The following FFAR1 variants were observed in gnomAD, a reference collection of about 807,000 sequenced individuals.
The protein encoded by FFAR1 is G-protein coupled receptor 40.
For missense variants in FFAR1, 424 were observed against 396.2 expected (o/e 1.07, Z -0.60); for synonymous variants, 216 against 201.5 (o/e 1.07, Z -0.61).
upstream of FFAR1, among the ~76,000 whole-genome samples, chr19:35,349,072 C>T (rs1317607281): frequency 6.6e-6 from 1 of 152,206 alleles, no homozygotes; most frequent in African/African-American, 2.4e-5. Context: ...GGCCGCCCTC[C>T]ACAACCCCAG....
chr19:35,351,459 G>A (rs2066943868), upstream of FFAR1: 1 of 1,145,300 alleles, frequency 8.7e-7, no homozygotes, highest in South Asian at 1.3e-5. Context: ...ACCCGCGAGT[G>A]ATCCCAGGAG....
At chr19:35,349,042 G>A (rs2066933531), upstream of FFAR1, among the ~76,000 whole-genome samples, 1 of 152,158 alleles carries the variant, frequency 6.6e-6, no homozygotes, top group African/African-American at 2.4e-5. Context: ...GGAAGCTAGG[G>A]GGCCAGGACT....
chr19:35,351,431 T>C (rs112380079), upstream of FFAR1: 3,315 of 839,456 alleles, frequency 3.9e-3, 60 homozygotes, highest in South Asian at 0.028. Flanking sequence ...GAATTGTAAT[T>C]CTCCACACAG....
At chr19:35,348,600 AAAC>A (rs371771695), upstream of FFAR1, among the ~76,000 whole-genome samples, 119 of 152,298 alleles carry the variant, frequency 7.8e-4, no homozygotes, top group Non-Finnish European at 1.1e-3. Context: ...CTCCGCCTCA[AAAC>A]AACAACAACA....
At chr19:35,349,951 C>A (rs1450499622), upstream of FFAR1, among the ~76,000 whole-genome samples, 1 of 152,198 alleles carries the variant, frequency 6.6e-6, no homozygotes, top group African/African-American at 2.4e-5. Context: ...TCCTGGGAGG[C>A]TCAGGTGACC....
upstream of FFAR1, among the ~76,000 whole-genome samples, chr19:35,348,901 A>G (rs188876958): frequency 6.6e-6 from 1 of 152,340 alleles, no homozygotes; most frequent in Admixed American, 6.5e-5. Flanking sequence ...ACCATCGAGC[A>G]TCTTCCCCTT....
At chr19:35,351,486 C>A (rs780407446), upstream of FFAR1, 11 of 1,476,388 alleles carry the variant, frequency 7.5e-6, no homozygotes, top group East Asian at 2.5e-5. Context: ...CTCTCCGGGG[C>A]CCCAAGATCT....
upstream of FFAR1, among the ~76,000 whole-genome samples, chr19:35,348,793 T>A (rs1390533355): frequency 6.6e-6 from 1 of 152,136 alleles, no homozygotes; most frequent in Non-Finnish European, 1.5e-5. Context: ...ACCTTGGGGA[T>A]CTCTAGTCGA....
exon 1 of FFAR1, chr19:35,351,783 C>A: frequency 6.3e-7 from 1 of 1,585,994 alleles, no homozygotes; most frequent in Non-Finnish European, 8.6e-7. Context: ...GCCGGCCTCG[C>A]TGTGCCCCGT....
exon 1 of FFAR1, chr19:35,351,873 G>A: frequency 6.2e-7 from 1 of 1,613,908 alleles, no homozygotes; most frequent in Non-Finnish European, 8.5e-7. Flanking sequence ...CTACCTGGGA[G>A]CAGCCTTCCC....
chr19:35,351,952 T>A (rs754125621), exon 1 of FFAR1: 3 of 1,614,140 alleles, frequency 1.9e-6, no homozygotes, highest in Non-Finnish European at 2.5e-6. Context: ...TGGGCCCTCG[T>A]CCTGTGTCAC....
exon 1 of FFAR1, chr19:35,352,156 A>G: frequency 1.2e-6 from 2 of 1,609,740 alleles, no homozygotes; most frequent in Non-Finnish European, 1.7e-6. Context: ...GCCTTCTGCT[A>G]CGTGGGCTGC....
At chr19:35,348,567 C>A (rs1384189069), upstream of FFAR1, among the ~76,000 whole-genome samples, 1 of 152,236 alleles carries the variant, frequency 6.6e-6, no homozygotes, top group Non-Finnish European at 1.5e-5. Context: ...CCACTGCACT[C>A]CAGCCTATGC....
upstream of FFAR1, among the ~76,000 whole-genome samples, chr19:35,349,358 GAGA>G (rs2066935119): frequency 6.6e-6 from 1 of 152,256 alleles, no homozygotes; most frequent in Non-Finnish European, 1.5e-5. Flanking sequence ...GGCCAAAGCA[GAGA>G]AGATCTGGAA....
chr19:35,351,624 C>G, exon 1 of FFAR1: 1 of 1,543,734 alleles, frequency 6.5e-7, no homozygotes, highest in Admixed American at 1.9e-5. Context: ...GCTCAACGTC[C>G]TGGCCATCCG....
chr19:35,351,452 C>T (rs1323610477), upstream of FFAR1: 27 of 1,063,658 alleles, frequency 2.5e-5, no homozygotes, highest in South Asian at 1.5e-4. Flanking sequence ...GGCTGGAACC[C>T]GCGAGTGATC....
At chr19:35,349,230 C>T (rs977136998), upstream of FFAR1, among the ~76,000 whole-genome samples, 4 of 152,152 alleles carry the variant, frequency 2.6e-5, no homozygotes, top group African/African-American at 7.2e-5. Flanking sequence ...AAGACGATGT[C>T]GCACTGAAGA....
upstream of FFAR1, among the ~76,000 whole-genome samples, chr19:35,350,378 G>T (rs1351220302): frequency 1.3e-5 from 2 of 152,234 alleles, no homozygotes; most frequent in Admixed American, 6.5e-5. Flanking sequence ...CTTGGAGATG[G>T]CTTCATGGCT....
chr19:35,352,437 G>A (rs1477435822), exon 1 of FFAR1: 1 of 1,554,012 alleles, frequency 6.4e-7, no homozygotes, highest in Admixed American at 2.0e-5. Context: ...AACGCAAGGG[G>A]GCAAGTCCCA....
Sources: allele counts gnomAD v4.1 joint callset (sites outside exome capture counted in the v4.1 genomes callset), GRCh38; gene constraint gnomAD v4.1.1; transcripts MANE v1.5; gene names NCBI Gene and HGNC (gene_info 2026-07-23, HGNC 2026-07-21).